Variants in TASP1 observed in about 807,000 individuals in gnomAD.
TASP1 encodes threonine aspartase 1.
Under a neutral mutation model 56.6 loss-of-function variants are expected in TASP1, and 16 were observed. The ratio of observed to expected loss-of-function variants is 0.28; its 90% CI spans 0.19 to 0.43. The LOEUF (loss-of-function observed/expected upper bound fraction) is 0.43, where lower values mean the gene tolerates loss of function less well. TASP1 is among the 20% of genes least tolerant of loss of function. The pLI, the probability that TASP1 is intolerant of heterozygous loss-of-function variation, is 1.00. For missense variants in TASP1, 393 were observed against 511.6 expected (o/e 0.77, Z 2.24); for synonymous variants, 179 against 184.2 (o/e 0.97, Z 0.23).
chr20:13,111,371 A>T, the TASP1 span, among the ~76,000 whole-genome samples: 3 of 152,142 alleles, frequency 2.0e-5, no homozygotes, highest in African/African-American at 7.2e-5. Context: ...GCCTAGGCAC[A>T]TTTGGCGATT....
At chr20:13,126,476 G>A in the TASP1 span, 1 of 1,237,764 alleles carries the variant, frequency 8.1e-7, no homozygotes, top group Non-Finnish European at 1.1e-6. Context: ...TTCATCTTTT[G>A]AGCATGAGAT....
At chr20:13,353,870 C>A in the TASP1 span, among the ~76,000 whole-genome samples, 1 of 151,932 alleles carries the variant, frequency 6.6e-6, no homozygotes, top group Non-Finnish European at 1.5e-5. Flanking sequence ...TGAGGAATGC[C>A]TCCCACATAA....
chr20:13,323,891 C>CA, the TASP1 span, among the ~76,000 whole-genome samples: 2 of 152,076 alleles, frequency 1.3e-5, no homozygotes, highest in African/African-American at 2.4e-5. Flanking sequence ...CTCCTCTGAC[C>CA]AAAAAAATTG....
chr20:13,454,243 T>C (rs1434476744), intron 11 of TASP1, among the ~76,000 whole-genome samples: 1 of 152,114 alleles, frequency 6.6e-6, no homozygotes, highest in African/African-American at 2.4e-5. Context: ...ATAAAATCTT[T>C]AGAGAATGAA....
At chr20:13,326,170 CAT>C in the TASP1 span, among the ~76,000 whole-genome samples, 1 of 152,178 alleles carries the variant, frequency 6.6e-6, no homozygotes, top group South Asian at 2.1e-4. Context: ...TGCTGAGTAG[CAT>C]TCCATGTATG....
the TASP1 span, among the ~76,000 whole-genome samples, chr20:13,274,865 A>G: frequency 2.0e-5 from 3 of 152,356 alleles, no homozygotes; most frequent in Admixed American, 6.5e-5. Flanking sequence ...TGCGCAAAAT[A>G]GAACAAAAAT....
chr20:13,614,260 C>A (rs559508690), intron 4 of TASP1, among the ~76,000 whole-genome samples: 14 of 152,076 alleles, frequency 9.2e-5, no homozygotes, highest in Non-Finnish European at 1.6e-4. Context: ...ATGTTGAATA[C>A]CAGGTTTTAG....
the TASP1 span, among the ~76,000 whole-genome samples, chr20:13,121,615 C>T: frequency 3.3e-5 from 5 of 152,272 alleles, no homozygotes; most frequent in East Asian, 1.9e-4. Context: ...GACCCAGACT[C>T]GCCTTGCAAA....
intron 9 of TASP1, among the ~76,000 whole-genome samples, chr20:13,530,640 A>G (rs1016079045): frequency 6.6e-5 from 10 of 152,200 alleles, no homozygotes; most frequent in African/African-American, 1.9e-4. Context: ...TTATAAAGCC[A>G]GGGGAGGTCA....
At chr20:13,588,325 GAA>G (rs2047397313) in intron 4 of TASP1, among the ~76,000 whole-genome samples, 2 of 149,764 alleles carry the variant, frequency 1.3e-5, no homozygotes, top group African/African-American at 4.9e-5. Context: ...GAAAAGGAAG[GAA>G]GGAAGGAAGG....
chr20:13,178,680 T>A, the TASP1 span, among the ~76,000 whole-genome samples: 1 of 147,982 alleles, frequency 6.8e-6, no homozygotes, highest in Non-Finnish European at 1.5e-5. Context: ...CTCACTCATA[T>A]ATGGAAGCTA....
chr20:13,525,794 C>T (rs1301037728), intron 10 of TASP1, among the ~76,000 whole-genome samples: 1 of 152,178 alleles, frequency 6.6e-6, no homozygotes. Flanking sequence ...GAGGCAATCA[C>T]ACAAAGTCCA....
chr20:13,503,583 A>G (rs1319397871), intron 10 of TASP1, among the ~76,000 whole-genome samples: 2 of 152,144 alleles, frequency 1.3e-5, no homozygotes, highest in Non-Finnish European at 2.9e-5. Context: ...ACATGACACT[A>G]TCAAAGAAAC....
the TASP1 span, among the ~76,000 whole-genome samples, chr20:13,271,825 A>C: frequency 6.6e-6 from 1 of 151,416 alleles, no homozygotes; most frequent in Non-Finnish European, 1.5e-5. Flanking sequence ...CCCAGGTTAG[A>C]ATACAATGGC....
At chr20:13,157,365 A>G in the TASP1 span, among the ~76,000 whole-genome samples, 1 of 151,980 alleles carries the variant, frequency 6.6e-6, no homozygotes, top group East Asian at 1.9e-4. Context: ...GGAACCCGGG[A>G]GGTGGAGGTT....
the TASP1 span, among the ~76,000 whole-genome samples, chr20:13,309,368 A>G: frequency 6.6e-5 from 10 of 152,188 alleles, no homozygotes; most frequent in African/African-American, 2.4e-4. Context: ...GACAAAATTG[A>G]ATATTATTTC....
chr20:13,427,258 G>C (rs1284290222), intron 12 of TASP1, among the ~76,000 whole-genome samples: 2 of 152,168 alleles, frequency 1.3e-5, no homozygotes, highest in African/African-American at 4.8e-5. Flanking sequence ...AATGTTCCAG[G>C]AAGCATCAAT....
intron 8 of TASP1, among the ~76,000 whole-genome samples, chr20:13,543,481 A>G (rs1023330259): frequency 6.6e-6 from 1 of 152,176 alleles, no homozygotes; most frequent in Non-Finnish European, 1.5e-5. Flanking sequence ...ATGCACCTGT[A>G]GCCCAGCTAC....
At chr20:13,385,396 CT>C (rs2041156724), downstream of TASP1, among the ~76,000 whole-genome samples, 1 of 152,228 alleles carries the variant, frequency 6.6e-6, no homozygotes, top group Non-Finnish European at 1.5e-5. Flanking sequence ...TAGTTGCGAA[CT>C]TCACAAACTT....
Sources: allele counts gnomAD v4.1 joint callset (sites outside exome capture counted in the v4.1 genomes callset), GRCh38; gene constraint gnomAD v4.1.1; transcripts MANE v1.5; gene names NCBI Gene and HGNC (gene_info 2026-07-23, HGNC 2026-07-21).